Variants in VPS16 observed in about 807,000 individuals in gnomAD.
VPS16 encodes vacuolar protein sorting-associated protein 16 homolog.
A neutral mutation model predicts 116.0 loss-of-function variants in VPS16; 82 were observed. That is an observed-to-expected ratio of 0.71 (90% CI 0.59 to 0.85). VPS16 has a LOEUF of 0.85. Ranked by LOEUF, VPS16 falls within the 40% of genes least tolerant of loss-of-function variation. The pLI, the probability that VPS16 is intolerant of heterozygous loss-of-function variation, is 0.00. For synonymous variants in VPS16, 406 were observed against 420.7 expected (o/e 0.96, Z 0.43); for missense variants, 928 against 1,090.6 (o/e 0.85, Z 2.10).
chr20:2,856,419 T>A (rs73606186), intron 1 of VPS16, among the ~76,000 whole-genome samples: 1 of 152,150 alleles, frequency 6.6e-6, no homozygotes, highest in South Asian at 2.1e-4. Flanking sequence ...CACAGAGACA[T>A]GAAGTGAGCA....
At chr20:2,857,256 C>T (rs943614998) in intron 1 of VPS16, among the ~76,000 whole-genome samples, 8 of 152,202 alleles carry the variant, frequency 5.3e-5, no homozygotes, top group African/African-American at 1.7e-4. Flanking sequence ...GGATTATAGG[C>T]GTGAGCCACT....
rs764595952 is a variant in VPS16 at position 2,863,326 on chromosome 20, G to C, written c.1404G>C (p.Gln468His). The change falls in exon 15 of 24, where the codon CAG becomes CAC. Residue 468 changes from glutamine (Q) to histidine (H), a missense_variant. Transcript: ENST00000380445. The surrounding 1 kb of genome is among the most constrained non-coding windows in gnomAD (Gnocchi z 4.4). ...GGAGACTTTACCCCCTGGCCATCCA[G>C]ATATGCGAGTACTTGCGCCTTCCTG... Reference protein sequence around the residue: ...VLRRLYPLAIQICEYLRLPEV... With the variant: ...VLRRLYPLAIHICEYLRLPEV... 3 of 1,614,204 alleles carry C rather than the reference G, an allele frequency of 1.9e-6. No homozygotes were observed. Among genetic ancestry groups the C allele is most frequent in the East Asian group, 2.2e-5 (1 of 44,882 alleles).
In VPS16 at chr20:2,863,362, C is replaced by T. The variant is rs770136462; in HGVS notation, c.1440C>T (p.Gly480=). 8.1e-6 allele frequency: 13 copies of T among 1,614,074 alleles called. No individual in the cohort carries two copies. Among genetic ancestry groups the T allele is most frequent in the East Asian group, 2.2e-5 (1 of 44,904 alleles). The change falls in exon 15 of 24, where the codon GGC becomes GGT. Residue 480 remains glycine, a synonymous_variant. Transcript: ENST00000380445. This position sits in a 1 kb window ranked among gnomAD's most constrained non-coding sequence, Gnocchi z 4.4. ...ACTTGCGCCTTCCTGAAGTACAGGG[C>T]GTCAGCAGGATCCTGGCCCACTGGG... ...CEYLRLPEVQ[G]VSRILAHWAC...
chr20:2,845,280 G>A (rs1047888469), intron 1 of VPS16, among the ~76,000 whole-genome samples: 1 of 152,008 alleles, frequency 6.6e-6, no homozygotes, highest in Non-Finnish European at 1.5e-5. Flanking sequence ...AAGGAATCAA[G>A]GATGACTTGG....
chr20:2,849,300 C>CTCT (rs2089092706), intron 1 of VPS16, among the ~76,000 whole-genome samples: 1 of 133,726 alleles, frequency 7.5e-6, no homozygotes, highest in African/African-American at 2.8e-5. Context: ...GAATAAGATT[C>CTCT]TTTTTTTTTT....
intron 1 of VPS16, among the ~76,000 whole-genome samples, chr20:2,852,610 C>T (rs1172164970): frequency 6.6e-6 from 1 of 152,112 alleles, no homozygotes; most frequent in Non-Finnish European, 1.5e-5. Context: ...TTGCAAAACA[C>T]GTCACATGAA....
chr20:2,852,492 T>C (rs542130271), intron 1 of VPS16, among the ~76,000 whole-genome samples: 2 of 152,262 alleles, frequency 1.3e-5, no homozygotes, highest in East Asian at 3.9e-4. Flanking sequence ...TTATAGAATG[T>C]CAAAAGAAAT....
chr20:2,841,380 A>G (rs1334190393), intron 1 of VPS16, among the ~76,000 whole-genome samples: 1 of 152,220 alleles, frequency 6.6e-6, no homozygotes, highest in Non-Finnish European at 1.5e-5. Flanking sequence ...GGATTTTCCC[A>G]TAGCTTCCCT....
Position 2,862,640 on chromosome 20 carries a change from A to G in VPS16, c.1133A>G (p.Gln378Arg). The G allele has an allele frequency of 6.2e-7, 1 of 1,612,678 alleles. No homozygotes were observed. Among genetic ancestry groups the G allele is most frequent in the Admixed American group, 1.7e-5 (1 of 59,860 alleles). ...ATCCAGGAGCTGGGCCAGCTGACCC[A>G]GGCCGTGCAGCAGTGCATTGAGGCT... ...REIQELGQLTQAVQQCIEAAG... is the reference protein window; with the variant it reads ...REIQELGQLTRAVQQCIEAAG... The change falls in exon 12 of 24, where the codon CAG becomes CGG. Residue 378 changes from glutamine to arginine, a missense_variant. Physicochemically the swap from Gln to Arg is conservative, Grantham distance 43. Transcript: ENST00000380445.
At chr20:2,858,805 G>A (rs2089199409) in intron 1 of VPS16, among the ~76,000 whole-genome samples, 1 of 152,054 alleles carries the variant, frequency 6.6e-6, no homozygotes. Context: ...GTTGTGATTT[G>A]TGATTTGGTT....
Position 2,864,247 on chromosome 20 carries a change from G to A in VPS16, c.1680G>A (p.Leu560=), listed in dbSNP as rs1568629697. ...PLLLKMKRSK[L]ALSKAIESGD... ...TCCTAAAGATGAAGAGGAGCAAACT[G>A]GCACTAAGCAAGGCCATCGAGAGCG... Residue 560 remains leucine (L), a synonymous_variant, in exon 17 of 24, where the codon CTG becomes CTA. Transcript: ENST00000380445. This position sits in a 1 kb window ranked among gnomAD's most constrained non-coding sequence, Gnocchi z 5.2. 1 of 1,614,202 alleles carries A rather than the reference G, an allele frequency of 6.2e-7. No individual in the cohort carries two copies. Among genetic ancestry groups the A allele is most frequent in the Non-Finnish European group, 8.5e-7 (1 of 1,180,032 alleles).
chr20:2,858,319 C>T (rs1458450343), intron 1 of VPS16, among the ~76,000 whole-genome samples: 1 of 152,110 alleles, frequency 6.6e-6, no homozygotes, highest in African/African-American at 2.4e-5. Flanking sequence ...GTTGCCCAGG[C>T]CAGTCTCGGT....
chr20:2,843,879 G>A (rs1033634690), intron 1 of VPS16, among the ~76,000 whole-genome samples: 3 of 152,192 alleles, frequency 2.0e-5, no homozygotes, highest in African/African-American at 7.2e-5. Context: ...AGGCTTGCTG[G>A]GGAGGATATT....
Position 2,865,392 on chromosome 20 carries a change from C to T in VPS16, c.2175-7C>T, listed in dbSNP as rs928640889. ...CTGCAACACCTCCAAGCCCAGCTTT[C>T]CTGCAGGCTCTGGTGGCTGAAGCTG... On this transcript the variant is annotated splice_polypyrimidine_tract_variant and splice_region_variant and intron_variant, in intron 21 of 23. Coordinates refer to ENST00000380445, the MANE Select transcript of VPS16 (RefSeq NM_022575.4). The surrounding 1 kb of genome is among the most constrained non-coding windows in gnomAD (Gnocchi z 5.2). 3.1e-6 allele frequency: 5 copies of T among 1,613,984 alleles called. No individual in the cohort carries two copies. In the African/African-American group the frequency reaches 4.0e-5, roughly 13 times the overall value.
In VPS16 at chr20:2,860,247, T is replaced by A; in HGVS notation, c.249T>A (p.Ser83Arg). ...GMPLASLLWK[S>R]GPVVSLGWSA... is the part of the protein sequence containing the mutation. ...ACCTCTCTCCCCTGCAGTGGAAGAG[T>A]GGACCCGTGGTGTCCCTGGGCTGGT... Residue 83 changes from serine (S) to arginine (R), a missense_variant, in exon 4 of 24, where the codon AGT becomes AGA. By Grantham distance (110) the Ser-to-Arg change is moderately radical. Coordinates refer to ENST00000380445, the MANE Select transcript of VPS16 (RefSeq NM_022575.4). This position sits in a 1 kb window ranked among gnomAD's most constrained non-coding sequence, Gnocchi z 6.1. The A allele has an allele frequency of 6.2e-7, 1 of 1,613,930 alleles. No homozygotes were observed. Among genetic ancestry groups the A allele is most frequent in the Non-Finnish European group, 8.5e-7 (1 of 1,179,968 alleles).
intron 12 of VPS16, 31 bp downstream of exon 12, chr20:2,862,741 G>C (rs1285026314): frequency 6.2e-7 from 1 of 1,611,242 alleles, no homozygotes; most frequent in Non-Finnish European, 8.5e-7. Context: ...CGGGGAGGGT[G>C]GGGCTGGGAG....
intron 1 of VPS16, among the ~76,000 whole-genome samples, chr20:2,858,989 C>T (rs545913888): frequency 6.6e-6 from 1 of 152,280 alleles, no homozygotes; most frequent in South Asian, 2.1e-4. Flanking sequence ...ATAAAGCCCA[C>T]ACCCTGATTC....
In VPS16 at chr20:2,864,530, C is replaced by T; in HGVS notation, c.1819-17C>T. On this transcript the variant is annotated splice_polypyrimidine_tract_variant and intron_variant, in intron 18 of 23. Coordinates refer to ENST00000380445, the MANE Select transcript of VPS16 (RefSeq NM_022575.4). This position sits in a 1 kb window ranked among gnomAD's most constrained non-coding sequence, Gnocchi z 5.2. ...TTGAGTTGGCCTTGCTGACTGATTG[C>T]CTGCCTGTGGCCCCAGTTCTGTAAG... The T allele has an allele frequency of 6.2e-7, 1 of 1,614,076 alleles. No homozygotes were observed.
At chr20:2,845,420 A>C (rs1412078714) in intron 1 of VPS16, among the ~76,000 whole-genome samples, 1 of 152,108 alleles carries the variant, frequency 6.6e-6, no homozygotes, top group Non-Finnish European at 1.5e-5. Flanking sequence ...GAGAGTTAAG[A>C]TACATTATAT....
Sources: allele counts gnomAD v4.1 joint callset (sites outside exome capture counted in the v4.1 genomes callset), GRCh38; gene constraint gnomAD v4.1.1; non-coding constraint Gnocchi (gnomAD v3.1); transcripts MANE v1.5; gene names NCBI Gene and HGNC (gene_info 2026-07-23, HGNC 2026-07-21).